LRBA: variants seen among roughly 807,000 people sequenced by gnomAD.
LRBA encodes LPS responsive beige-like anchor protein, also known as lipopolysaccharide-responsive and beige-like anchor protein.
In LRBA, 176 loss-of-function variants were observed where a neutral mutation model predicts 330.0. The ratio of observed to expected loss-of-function variants is 0.53; its 90% CI spans 0.47 to 0.60. The LOEUF is 0.60. Ranked by LOEUF, LRBA falls within the 20% of genes least tolerant of loss-of-function variation. The pLI is 0.00. For synonymous variants in LRBA, 1,230 were observed against 1,193.0 expected (o/e 1.03, Z -0.64); for missense variants, 3,259 against 3,444.8 (o/e 0.95, Z 1.35).
chr4:150,594,728 A>G (rs1389728169), intron 38 of LRBA, among the ~76,000 whole-genome samples: 1 of 152,106 alleles, frequency 6.6e-6, no homozygotes, highest in African/African-American at 2.4e-5. Context: ...CATCTTTAAA[A>G]ATGATTTGAT....
At chr4:150,534,001 C>T (rs926894033) in intron 40 of LRBA, among the ~76,000 whole-genome samples, 2 of 152,128 alleles carry the variant, frequency 1.3e-5, no homozygotes, top group African/African-American at 4.8e-5. Context: ...AGTATCTCTA[C>T]CCCAGTCCTT....
At chr4:150,454,968 TTTTA>T (rs1191614002) in intron 44 of LRBA, among the ~76,000 whole-genome samples, 4 of 122,836 alleles carry the variant, frequency 3.3e-5, no homozygotes, top group East Asian at 2.4e-4. Flanking sequence ...TCCAGTTTTA[TTTTA>T]TTTTTTATTT....
chr4:150,846,507 C>T (rs895563525), intron 26 of LRBA, among the ~76,000 whole-genome samples: 6 of 146,874 alleles, frequency 4.1e-5, no homozygotes, highest in South Asian at 2.2e-4. Flanking sequence ...TCCAGCCTGG[C>T]GACAGAGTAA....
chr4:150,586,241 A>G (rs542815635), intron 40 of LRBA, among the ~76,000 whole-genome samples: 44 of 152,336 alleles, frequency 2.9e-4, no homozygotes, highest in African/African-American at 4.1e-4. Context: ...AAGAATATCT[A>G]TAAGTGACCA....
At chr4:150,358,399 G>A (rs962955040) in intron 47 of LRBA, among the ~76,000 whole-genome samples, 1 of 152,022 alleles carries the variant, frequency 6.6e-6, no homozygotes, top group Non-Finnish European at 1.5e-5. Flanking sequence ...AGACTAGCCT[G>A]CCTTAAAACA....
rs566620585 is a variant in LRBA, at chr4:150,825,609, T to A, written c.5171+2571A>T. Among the ~76,000 whole-genome samples, 15 of 152,254 alleles carry A rather than the reference T, an allele frequency of 9.9e-5. No homozygotes were observed. In the South Asian group the frequency reaches 1.7e-3, roughly 17 times the overall value. ...GTCTTGAACTGCTGATCTCAAATGA[T>A]CCACCCGCCTCAGCCTCCCAAAGTA... On this transcript the variant is annotated intron_variant, in intron 30 of 56. Coordinates refer to ENST00000651943, the MANE Select transcript of LRBA (RefSeq NM_001364905.1).
intron 40 of LRBA, among the ~76,000 whole-genome samples, chr4:150,576,370 T>G (rs1289857555): frequency 6.6e-6 from 1 of 151,962 alleles, no homozygotes; most frequent in Non-Finnish European, 1.5e-5. Context: ...AAAAGACATA[T>G]GCCAATATAA....
At chr4:150,400,181 G>A (rs1745280318) in intron 47 of LRBA, among the ~76,000 whole-genome samples, 1 of 152,180 alleles carries the variant, frequency 6.6e-6, no homozygotes, top group South Asian at 2.1e-4. Flanking sequence ...TCCAAGTCAT[G>A]TTGTAAAGCT....
chr4:150,310,459 G>C, intron 51 of LRBA, 75 bp from the exon 52 acceptor site: 2 of 926,814 alleles, frequency 2.2e-6, no homozygotes, highest in Non-Finnish European at 3.3e-6. Context: ...GAGAAGAGGA[G>C]ACACATTCCC....
chr4:150,674,275 G>T (rs1282919969), intron 37 of LRBA, among the ~76,000 whole-genome samples: 1 of 151,392 alleles, frequency 6.6e-6, no homozygotes, highest in Non-Finnish European at 1.5e-5. Flanking sequence ...GGAAAGGAAA[G>T]AGAAATCAAA....
At chr4:150,943,319 C>G (rs1735878375) in intron 2 of LRBA, among the ~76,000 whole-genome samples, 3 of 152,166 alleles carry the variant, frequency 2.0e-5, no homozygotes, top group Admixed American at 2.0e-4. Context: ...TAGGGTCTCA[C>G]TATGTTGGCC....
At chr4:150,313,396 A>G (rs1261679040) in intron 51 of LRBA, among the ~76,000 whole-genome samples, 1 of 152,172 alleles carries the variant, frequency 6.6e-6, no homozygotes, top group Admixed American at 6.6e-5. Flanking sequence ...ACACTATGCC[A>G]GAATGTATAA....
At chr4:150,558,191 G>A (rs991757811) in intron 40 of LRBA, among the ~76,000 whole-genome samples, 2 of 152,020 alleles carry the variant, frequency 1.3e-5, no homozygotes, top group African/African-American at 2.4e-5. Context: ...GAGCCACAGC[G>A]CCCGGCCCCA....
chr4:150,828,564 C>G lies in LRBA; in HGVS notation c.4787G>C (p.Ser1596Thr). 6.2e-7 allele frequency: 1 copy of G among 1,614,090 alleles called. No individual in the cohort carries two copies. Among genetic ancestry groups the G allele is most frequent in the East Asian group, 2.2e-5 (1 of 44,882 alleles). Residue 1596 changes from serine to threonine, a missense_variant, in exon 30 of 57, where the codon AGC becomes ACC. By Grantham distance (58) the Ser-to-Thr change is moderately conservative. Coordinates refer to ENST00000651943, the MANE Select transcript of LRBA (RefSeq NM_001364905.1). ...LTTASVEESE[S>T]TSSARRRDSG... Reference sequence around the variant, plus strand: ...GTCCCTCCTTCGAGCAGATGATGTGCTTTCAGATTCTTCCACTGATGCCGT... The same window carrying G: ...GTCCCTCCTTCGAGCAGATGATGTGGTTTCAGATTCTTCCACTGATGCCGT...
At position 150,850,917 on chromosome 4, in the gene LRBA, TA is replaced by T. The variant is rs773359429; in HGVS notation, c.3826-16del. 1 of 1,578,770 alleles carries T rather than the reference TA, an allele frequency of 6.3e-7. No homozygotes were observed. The stretch of plus-strand genomic sequence containing the variant: ...TGCCTTGATATCTAATACAGAAATT[TA>T]AAAAGTAATAAAATAGGTTCAACTT... On this transcript the variant is annotated splice_polypyrimidine_tract_variant and intron_variant, in intron 23 of 56. Transcript: ENST00000651943.
At chr4:150,751,451 T>G (rs1026285853) in intron 35 of LRBA, among the ~76,000 whole-genome samples, 1 of 152,078 alleles carries the variant, frequency 6.6e-6, no homozygotes, top group African/African-American at 2.4e-5. Context: ...TTTTTGCTAT[T>G]CTAAGGGGTC....
At chr4:150,645,139 GA>G (rs1208338154) in intron 37 of LRBA, among the ~76,000 whole-genome samples, 15 of 121,410 alleles carry the variant, frequency 1.2e-4, no homozygotes, top group East Asian at 4.7e-4. Flanking sequence ...CCTGTCTCAA[GA>G]AAAAAAAAAA....
chr4:150,405,929 T>A (rs1359808405), intron 47 of LRBA, among the ~76,000 whole-genome samples: 1 of 151,828 alleles, frequency 6.6e-6, no homozygotes, highest in Admixed American at 6.6e-5. Flanking sequence ...GTGGCACACG[T>A]TTGTACTCCC....
intron 40 of LRBA, among the ~76,000 whole-genome samples, chr4:150,516,817 T>G (rs940681016): frequency 2.6e-5 from 4 of 152,190 alleles, no homozygotes; most frequent in Non-Finnish European, 4.4e-5. Context: ...CCAAAATTAT[T>G]TATCAAAAAT....
Sources: gnomAD v4.1 joint callset for allele counts (sites outside exome capture counted in the v4.1 genomes callset) on GRCh38, gnomAD v4.1.1 for gene constraint, MANE v1.5 for transcripts, NCBI Gene and HGNC (gene_info 2026-07-23, HGNC 2026-07-21) for gene names.